LOC400499: variants seen among roughly 807,000 people sequenced by gnomAD.
At chr16:11,450,878 G>A in the LOC400499 span, 1 of 1,449,558 alleles carries the variant, frequency 6.9e-7, no homozygotes. Context: ...GCTTCTAGCA[G>A]GCAGCTGGAG....
the LOC400499 span, among the ~76,000 whole-genome samples, chr16:11,375,234 C>G: frequency 7.0e-6 from 1 of 143,780 alleles, no homozygotes; most frequent in Non-Finnish European, 1.5e-5. Flanking sequence ...AGGGTTCAAA[C>G]AACTCAATGT....
chr16:11,490,052 C>T, the LOC400499 span, among the ~76,000 whole-genome samples: 1 of 152,088 alleles, frequency 6.6e-6, no homozygotes, highest in Non-Finnish European at 1.5e-5. Context: ...GATCAGAGTC[C>T]ACAAGAGCTA....
chr16:11,389,122 G>T, the LOC400499 span, among the ~76,000 whole-genome samples: 1 of 152,048 alleles, frequency 6.6e-6, no homozygotes, highest in Non-Finnish European at 1.5e-5. Flanking sequence ...CCCTCTCCCA[G>T]GCCTTTGTGC....
At chr16:11,395,471 T>A in the LOC400499 span, among the ~76,000 whole-genome samples, 1 of 152,256 alleles carries the variant, frequency 6.6e-6, no homozygotes, top group Non-Finnish European at 1.5e-5. Context: ...GGCAGGGGCC[T>A]GGCTGGAAAC....
At chr16:11,414,983 C>A in the LOC400499 span, among the ~76,000 whole-genome samples, 1 of 152,204 alleles carries the variant, frequency 6.6e-6, no homozygotes, top group African/African-American at 2.4e-5. Context: ...CAGCTCCTGA[C>A]ATGCAGCGGG....
the LOC400499 span, chr16:11,485,145 G>C: frequency 2.5e-6 from 1 of 398,460 alleles, no homozygotes. Flanking sequence ...GTTAGGCTGG[G>C]GATATGAATG....
the LOC400499 span, among the ~76,000 whole-genome samples, chr16:11,424,689 C>T: frequency 0.35 from 53,344 of 152,068 alleles, 9,769 homozygotes; most frequent in African/African-American, 0.46. Flanking sequence ...ATTGTGTGTC[C>T]TCCCTTCGCT....
the LOC400499 span, chr16:11,381,161 C>T: frequency 6.6e-6 from 1 of 152,190 alleles, no homozygotes; most frequent in Non-Finnish European, 1.5e-5. Context: ...CCGGAACTCA[C>T]TGGAGCTCAG....
the LOC400499 span, among the ~76,000 whole-genome samples, chr16:11,473,670 G>C: frequency 4.0e-5 from 6 of 151,584 alleles, no homozygotes; most frequent in Non-Finnish European, 5.9e-5. Context: ...CAGAAGAATT[G>C]CTTGAACCCA....
At chr16:11,497,260 G>A in the LOC400499 span, among the ~76,000 whole-genome samples, 26 of 152,350 alleles carry the variant, frequency 1.7e-4, no homozygotes, top group South Asian at 4.1e-3. Flanking sequence ...GGGTCTTGGC[G>A]TGTGCATCTC....
At chr16:11,430,469 G>A in the LOC400499 span, among the ~76,000 whole-genome samples, 2 of 151,968 alleles carry the variant, frequency 1.3e-5, no homozygotes, top group Non-Finnish European at 2.9e-5. Flanking sequence ...CAGCCTGGGG[G>A]ACAAGAGCAA....
the LOC400499 span, among the ~76,000 whole-genome samples, chr16:11,483,250 G>T: frequency 6.6e-6 from 1 of 152,208 alleles, no homozygotes; most frequent in Non-Finnish European, 1.5e-5. Context: ...GAATGGTTTA[G>T]CAGCTTTAGA....
chr16:11,409,247 T>G, the LOC400499 span, among the ~76,000 whole-genome samples: 1 of 150,880 alleles, frequency 6.6e-6, no homozygotes, highest in East Asian at 1.9e-4. Flanking sequence ...GGTGACAGAG[T>G]GAAACTTCAT....
chr16:11,504,848 G>C, the LOC400499 span, among the ~76,000 whole-genome samples: 3 of 152,098 alleles, frequency 2.0e-5, no homozygotes, highest in African/African-American at 7.2e-5. Flanking sequence ...ACTTGAACTC[G>C]GGAGGCAGAG....
chr16:11,492,908 C>G, the LOC400499 span, among the ~76,000 whole-genome samples: 1 of 152,094 alleles, frequency 6.6e-6, no homozygotes, highest in Non-Finnish European at 1.5e-5. Flanking sequence ...GGAGACCTCA[C>G]AGTGAAAGTG....
the LOC400499 span, among the ~76,000 whole-genome samples, chr16:11,448,524 A>T: frequency 9.6e-4 from 1 of 1,042 alleles, no homozygotes; most frequent in African/African-American, 1.9e-3. Flanking sequence ...TAAAACAAAC[A>T]AACAAACAAA....
chr16:11,490,156 G>A, the LOC400499 span, among the ~76,000 whole-genome samples: 2 of 152,142 alleles, frequency 1.3e-5, no homozygotes, highest in Non-Finnish European at 2.9e-5. Context: ...AGCACTTTGG[G>A]AGGCTGAGGT....
At chr16:11,428,651 G>A in the LOC400499 span, among the ~76,000 whole-genome samples, 1 of 152,096 alleles carries the variant, frequency 6.6e-6, no homozygotes, top group Non-Finnish European at 1.5e-5. Context: ...TTATCAGCAA[G>A]GTCTTTATGA....
chr16:11,397,992 G>A, the LOC400499 span, among the ~76,000 whole-genome samples: 4 of 152,134 alleles, frequency 2.6e-5, no homozygotes, highest in African/African-American at 9.7e-5. Context: ...CCCCAGGAGG[G>A]GAAAGGGGTT....
Sources: allele counts gnomAD v4.1 joint callset (sites outside exome capture counted in the v4.1 genomes callset), GRCh38; gene constraint gnomAD v4.1.1; transcripts MANE v1.5.